The following GTF2I variants were observed in gnomAD, a reference collection of about 807,000 sequenced individuals.
The protein encoded by GTF2I is general transcription factor IIi.
Under a neutral mutation model 67.6 loss-of-function variants are expected in GTF2I, and 12 were observed. The observed-to-expected ratio is 0.18, with a 90% CI of 0.11 to 0.29. The LOEUF (loss-of-function observed/expected upper bound fraction) is 0.29. GTF2I is among the 10% of genes least tolerant of loss of function. The probability of loss-of-function intolerance (pLI) is 1.00; values close to 1 mark genes in which losing one functional copy is unlikely to be tolerated. For synonymous variants in GTF2I, 149 were observed against 197.0 expected (o/e 0.76, Z 2.04); for missense variants, 271 against 580.1 (o/e 0.47, Z 5.47).
intron 1 of GTF2I, among the ~76,000 whole-genome samples, chr7:74,673,667 C>T (rs1179408120): frequency 6.6e-6 from 1 of 151,210 alleles, no homozygotes; most frequent in Admixed American, 6.6e-5. Context: ...GGATGAGCCA[C>T]CACGCCCGGC....
intron 3 of GTF2I, among the ~76,000 whole-genome samples, chr7:74,698,439 T>C (rs1313314061): frequency 1.5e-5 from 2 of 129,172 alleles, no homozygotes; most frequent in Admixed American, 1.7e-4. Flanking sequence ...ACAGTCTCTA[T>C]CCATCACCCA....
intron 4 of GTF2I, 53 bp downstream of exon 4, chr7:74,699,148 T>C: frequency 9.8e-7 from 1 of 1,016,994 alleles, no homozygotes. Context: ...AATTGAATTT[T>C]CTAAAGGGAA....
intron 1 of GTF2I, among the ~76,000 whole-genome samples, chr7:74,658,437 C>T (rs1322732565): frequency 1.4e-5 from 2 of 145,446 alleles, no homozygotes; most frequent in South Asian, 4.2e-4. Context: ...CGCGTGCGAT[C>T]CCGCGCGCGA....
At chr7:74,723,618 C>T (rs1562976436) in intron 12 of GTF2I, among the ~76,000 whole-genome samples, 1 of 150,724 alleles carries the variant, frequency 6.6e-6, no homozygotes, top group Non-Finnish European at 1.5e-5. Flanking sequence ...TTAGTACAGA[C>T]AGGGGTTTCA....
Position 74,687,549 on chromosome 7 carries a change from A to C in GTF2I, c.-5-1575A>C, listed in dbSNP as rs587736508. The C allele has an allele frequency of 2.1e-5, 21 of 984,914 alleles. No individual in the cohort carries two copies. The East Asian group carries it at 1.9e-3, about 90-fold the overall frequency. The allele number at this position is 984,914 out of a possible 1,614,324, so 61.0% of individuals were successfully genotyped here. ...ATTATGGTTTTTATTATAAAGCGCA[A>C]CTTCCTAAGTATGTATGCTTCGTTA... On this transcript the variant is annotated intron_variant, in intron 1 of 34. Coordinates refer to ENST00000573035, the MANE Select transcript of GTF2I (RefSeq NM_032999.4).
At chr7:74,690,861 T>C in intron 2 of GTF2I, 112 bp from the exon 3 acceptor site, 1 of 1,009,258 alleles carries the variant, frequency 9.9e-7, no homozygotes, top group Non-Finnish European at 1.5e-6. Flanking sequence ...CCAAAAACTA[T>C]CTTGAAAGAG....
At chr7:74,732,255 T>C (rs1275942144) in intron 14 of GTF2I, among the ~76,000 whole-genome samples, 4 of 151,522 alleles carry the variant, frequency 2.6e-5, no homozygotes, top group Non-Finnish European at 5.9e-5. Flanking sequence ...GCACCTGTAG[T>C]CCCAGCTACT....
intron 11 of GTF2I, among the ~76,000 whole-genome samples, chr7:74,717,639 C>T (rs1792422539): frequency 6.6e-6 from 1 of 152,102 alleles, no homozygotes; most frequent in Non-Finnish European, 1.5e-5. Flanking sequence ...AATTATTTCT[C>T]TCATAAATTG....
chr7:74,677,373 CT>C (rs1216826241), intron 1 of GTF2I, among the ~76,000 whole-genome samples: 1 of 152,054 alleles, frequency 6.6e-6, no homozygotes, highest in Non-Finnish European at 1.5e-5. Flanking sequence ...TAATTTTTCC[CT>C]TGGCATTAAG....
At chr7:74,712,567 A>G (rs911970551) in intron 9 of GTF2I, among the ~76,000 whole-genome samples, 1 of 147,540 alleles carries the variant, frequency 6.8e-6, no homozygotes, top group African/African-American at 2.5e-5. Flanking sequence ...TATATATGCC[A>G]CTTCCTGAGT....
chr7:74,683,979 C>G (rs1356619934), intron 1 of GTF2I, among the ~76,000 whole-genome samples: 1 of 151,888 alleles, frequency 6.6e-6, no homozygotes, highest in Non-Finnish European at 1.5e-5. Flanking sequence ...TACTGGGAGA[C>G]CTCTGAGTTT....
chr7:74,658,139 AT>A (rs1173128893), intron 1 of GTF2I, 71 bp downstream of exon 1: 3 of 150,468 alleles, frequency 2.0e-5, no homozygotes, highest in African/African-American at 7.3e-5. Context: ...GGGGGCCTTT[AT>A]TAGAGACTTT....
chr7:74,724,653 G>C (rs1176780413), intron 12 of GTF2I, among the ~76,000 whole-genome samples: 4 of 152,186 alleles, frequency 2.6e-5, no homozygotes, highest in Non-Finnish European at 1.5e-5. Flanking sequence ...AATGGGCCAG[G>C]TGTGGTGGTG....
chr7:74,692,388 A>G (rs1051614866), intron 3 of GTF2I, among the ~76,000 whole-genome samples: 2 of 152,024 alleles, frequency 1.3e-5, no homozygotes, highest in African/African-American at 4.8e-5. Context: ...TTTTCTAGAT[A>G]AAAAGTTGGT....
intron 1 of GTF2I, among the ~76,000 whole-genome samples, chr7:74,686,696 G>T (rs933089660): frequency 6.6e-6 from 1 of 152,100 alleles, no homozygotes; most frequent in African/African-American, 2.4e-5. Flanking sequence ...AAGAAAACCA[G>T]ACAAATTCAC....
chr7:74,717,142 A>T, intron 11 of GTF2I, 192 bp downstream of exon 11: 2 of 611,288 alleles, frequency 3.3e-6, no homozygotes, highest in Non-Finnish European at 5.1e-6. Flanking sequence ...ATACTGATTA[A>T]TAAAGCCTAT....
chr7:74,675,602 T>C (rs1298771498), intron 1 of GTF2I, among the ~76,000 whole-genome samples: 1 of 152,074 alleles, frequency 6.6e-6, no homozygotes, highest in Non-Finnish European at 1.5e-5. Flanking sequence ...ACCATTATAG[T>C]TGTTGTCTAA....
chr7:74,716,235 C>T (rs941721064), intron 10 of GTF2I, among the ~76,000 whole-genome samples: 1 of 152,036 alleles, frequency 6.6e-6, no homozygotes, highest in South Asian at 2.1e-4. Flanking sequence ...AACTTCTGCT[C>T]TAGTAGGATG....
At chr7:74,668,770 C>T (rs782747102) in intron 1 of GTF2I, among the ~76,000 whole-genome samples, 8 of 151,976 alleles carry the variant, frequency 5.3e-5, no homozygotes, top group Non-Finnish European at 1.2e-4. Context: ...GATGGGGTTT[C>T]ACCATGTTGG....
Sources: allele counts gnomAD v4.1 joint callset (sites outside exome capture counted in the v4.1 genomes callset), GRCh38; gene constraint gnomAD v4.1.1; transcripts MANE v1.5; gene names NCBI Gene and HGNC (gene_info 2026-07-23, HGNC 2026-07-21).